The following TALDO1 variants were observed in gnomAD, a reference collection of about 807,000 sequenced individuals.
TALDO1 encodes the protein transaldolase.
Under a neutral mutation model 38.1 loss-of-function variants are expected in TALDO1, and 29 were observed. The observed-to-expected ratio is 0.76, with a 90% CI of 0.57 to 1.04. The LOEUF (loss-of-function observed/expected upper bound fraction) is 1.04. Among genes scored for constraint, TALDO1 ranks in the 50% least tolerant of loss-of-function variants. The pLI, the probability that TALDO1 is intolerant of heterozygous loss-of-function variation, is 0.00. For synonymous variants in TALDO1, 207 were observed against 176.8 expected (o/e 1.17, Z -1.36); for missense variants, 499 against 438.1 (o/e 1.14, Z -1.24).
intron 4 of TALDO1, chr11:760,576 T>G (rs567848342): frequency 2.9e-6 from 1 of 345,260 alleles, no homozygotes; most frequent in East Asian, 6.6e-5. Context: ...CACAAGCCTA[T>G]GTTTACATGA....
At position 764,423 on chromosome 11, in the gene TALDO1, G is replaced by A. The variant is rs186015859; in HGVS notation, c.971G>A (p.Arg324Gln). The part of the protein sequence containing the change: ...KFAADAVKLE[R>Q]MLTERMFNAE... ...GCCGCTGATGCAGTGAAGCTGGAGC[G>A]GATGCTGACAGTGAGTGTTGTGTGT... The change falls in exon 7 of 8, where the codon CGG (arginine) becomes CAG (glutamine). Residue 324 changes from arginine (R) to glutamine (Q), a missense_variant. Physicochemically the swap from Arg to Gln is conservative, Grantham distance 43. Coordinates refer to ENST00000319006, the MANE Select transcript of TALDO1 (RefSeq NM_006755.2). 194 of 1,610,646 alleles carry A rather than the reference G, an allele frequency of 1.2e-4. No individual in the cohort carries two copies. The highest frequency in any genetic ancestry group is 2.7e-4 in the Admixed American group (16 of 59,542).
chr11:755,628 C>A (rs1332850956), intron 1 of TALDO1: 1 of 530,688 alleles, frequency 1.9e-6, no homozygotes, highest in African/African-American at 1.9e-5. Context: ...CATGCTGTTA[C>A]AGGTCACCTC....
Position 755,913 on chromosome 11 carries a change from C to T in TALDO1, c.132C>T (p.Thr44=). The change falls in exon 2 of 8, where the codon ACC becomes ACT. Residue 44 remains threonine, a synonymous_variant. Coordinates refer to ENST00000319006, the MANE Select transcript of TALDO1 (RefSeq NM_006755.2). The part of the protein sequence containing the change: ...IDEYKPQDAT[T]NPSLILAAAQ... ...AGTACAAGCCCCAGGATGCTACCAC[C>T]AACCCGTCCCTGATCCTGGCCGCAG... is the stretch of plus-strand genomic sequence containing the variant. The T allele has an allele frequency of 6.2e-7, 1 of 1,614,186 alleles. No homozygotes were observed. Among genetic ancestry groups the T allele is most frequent in the Non-Finnish European group, 8.5e-7 (1 of 1,180,034 alleles).
At chr11:752,974 C>T (rs1304490397) in intron 1 of TALDO1, among the ~76,000 whole-genome samples, 1 of 152,130 alleles carries the variant, frequency 6.6e-6, no homozygotes, top group East Asian at 1.9e-4. Context: ...TTGGAGGATG[C>T]CCAGCTGGTA....
chr11:756,567 G>A (rs1314529857), intron 2 of TALDO1, among the ~76,000 whole-genome samples: 1 of 146,406 alleles, frequency 6.8e-6, no homozygotes, highest in African/African-American at 2.5e-5. Flanking sequence ...CCAGGCTGGA[G>A]TGCACTGGCA....
At position 764,833 on chromosome 11, in the gene TALDO1, G is replaced by A. The variant is rs1863022123; in HGVS notation, c.1002G>A (p.Glu334=). ...TCTAGGAACGAATGTTCAATGCAGA[G>A]AATGGAAAGTAGCGCATCCCTGAGG... ...RMLTERMFNA[E]NGK The change falls in exon 8 of 8, where the codon GAG becomes GAA. Residue 334 remains glutamate, a synonymous_variant. Coordinates refer to ENST00000319006, the MANE Select transcript of TALDO1 (RefSeq NM_006755.2). 6.2e-7 allele frequency: 1 copy of A among 1,614,194 alleles called. No individual in the cohort carries two copies. Among genetic ancestry groups the A allele is most frequent in the Non-Finnish European group, 8.5e-7 (1 of 1,180,052 alleles).
intron 1 of TALDO1, among the ~76,000 whole-genome samples, chr11:755,230 C>T (rs937441233): frequency 2.0e-5 from 3 of 149,038 alleles, no homozygotes; most frequent in African/African-American, 5.0e-5. Flanking sequence ...CTGCAAGCTC[C>T]GCCTACTGGA....
chr11:764,186 T>C (rs1863008808), intron 6 of TALDO1, 102 bp from the exon 7 acceptor site: 2 of 1,596,696 alleles, frequency 1.3e-6, no homozygotes, highest in Admixed American at 1.7e-5. Flanking sequence ...GGCCTGGCCC[T>C]GGTGGGAGAT....
intron 1 of TALDO1, among the ~76,000 whole-genome samples, chr11:750,073 C>T (rs1205409988): frequency 6.6e-6 from 1 of 152,078 alleles, no homozygotes; most frequent in Non-Finnish European, 1.5e-5. Flanking sequence ...GCTCAGGGCT[C>T]CCCAGTTTCC....
intron 4 of TALDO1, among the ~76,000 whole-genome samples, chr11:761,545 G>C (rs374625388): frequency 2.4e-4 from 36 of 152,244 alleles, no homozygotes; most frequent in African/African-American, 8.7e-4. Flanking sequence ...GGAAGAGACA[G>C]AAAATGTATA....
rs757158604 is a variant in TALDO1, at chr11:763,389, C to T, written c.507C>T (p.Leu169=). ...QHGIHCNMTL[L]FSFAQAVACA... ...GCATCCACTGCAACATGACGTTACTCTTCTCCTTCGCCCAGGCTGTGGCCT... is the reference window on the plus strand; with the variant it reads ...GCATCCACTGCAACATGACGTTACTTTTCTCCTTCGCCCAGGCTGTGGCCT... The change falls in exon 5 of 8, where the codon CTC becomes CTT. Residue 169 remains leucine (L), a synonymous_variant. Coordinates refer to ENST00000319006, the MANE Select transcript of TALDO1 (RefSeq NM_006755.2). 10 of 1,612,954 alleles carry T rather than the reference C, an allele frequency of 6.2e-6. 1 individual carries two copies. In the South Asian group the frequency reaches 1.1e-4, roughly 18 times the overall value.
chr11:747,830 G>A lies in TALDO1; in HGVS notation c.97+252G>A, dbSNP rs890506979. Among the ~76,000 whole-genome samples the A allele has an allele frequency of 2.4e-4, 36 of 152,310 alleles. No homozygotes were observed. The East Asian group carries it at 7.0e-3, about 29-fold the overall frequency. On this transcript the variant is annotated intron_variant, in intron 1 of 7. Transcript: ENST00000319006. ...GGGGAACGGGGCCCGGGTCGGCCGT[G>A]AGGGAGCAGGGCCGGGGGCAGCCGT...
chr11:750,765 C>G (rs773390145), intron 1 of TALDO1, among the ~76,000 whole-genome samples: 1 of 151,774 alleles, frequency 6.6e-6, no homozygotes, highest in Non-Finnish European at 1.5e-5. Flanking sequence ...GCGGAGCTTG[C>G]AATGAGCCGA....
At position 747,592 on chromosome 11, in the gene TALDO1, G is replaced by A; in HGVS notation, c.97+14G>A. 13 of 1,556,900 alleles carry A rather than the reference G, an allele frequency of 8.3e-6. No homozygotes were observed. Among genetic ancestry groups the A allele is most frequent in the Admixed American group, 1.9e-5 (1 of 52,966 alleles). Reference sequence around the variant, plus strand: ...GCGACTTCCACGGTGAGGACGGCGCGGAGCCCGGGCGCGGCGCAAGCGCCC... The same window carrying A: ...GCGACTTCCACGGTGAGGACGGCGCAGAGCCCGGGCGCGGCGCAAGCGCCC... On this transcript the variant is annotated intron_variant, in intron 1 of 7. Transcript: ENST00000319006.
At chr11:763,632 G>A in intron 5 of TALDO1, 113 bp downstream of exon 5, 1 of 1,570,652 alleles carries the variant, frequency 6.4e-7, no homozygotes, top group Middle Eastern at 1.7e-4. Flanking sequence ...GCACAGGTCG[G>A]CGCGGGGCAG....
intron 1 of TALDO1, among the ~76,000 whole-genome samples, chr11:748,058 G>C (rs932141386): frequency 1.3e-5 from 2 of 152,268 alleles, no homozygotes; most frequent in Admixed American, 6.5e-5. Flanking sequence ...ACCTTCATGG[G>C]TCGAGGCAGC....
chr11:756,770 G>C (rs1294324056), intron 2 of TALDO1, among the ~76,000 whole-genome samples: 1 of 152,018 alleles, frequency 6.6e-6, no homozygotes, highest in Non-Finnish European at 1.5e-5. Context: ...CACCTGCCTT[G>C]GCCTCCCACA....
In TALDO1 at chr11:747,517, GTC is replaced by G; in HGVS notation, c.37_38del (p.Ser13ArgfsTer68). The G allele has an allele frequency of 6.2e-7, 1 of 1,600,556 alleles. No homozygotes were observed. Among genetic ancestry groups the G allele is most frequent in the Non-Finnish European group, 8.5e-7 (1 of 1,175,136 alleles). Reference protein sequence around the residue: ...SSPVKRQRMESALDQLKQFTT... With the variant: ...SSPVKRQRMEXALDQLKQFTT... ...CACCCGTGAAGCGTCAGAGGATGGA[GTC>G]CGCGCTGGACCAGCTCAAGCAGTTC... On this transcript the variant is annotated frameshift_variant, in exon 1 of 8. Transcript: ENST00000319006. LOFTEE classifies it high-confidence loss of function.
intron 5 of TALDO1, 73 bp from the exon 6 acceptor site, chr11:763,674 G>T: frequency 6.3e-7 from 1 of 1,580,840 alleles, no homozygotes. Flanking sequence ...AGTGCAGCCG[G>T]CAGGCACTGG....
Sources: gnomAD v4.1 joint callset for allele counts (sites outside exome capture counted in the v4.1 genomes callset) on GRCh38, gnomAD v4.1.1 for gene constraint, MANE v1.5 for transcripts, NCBI Gene and HGNC (gene_info 2026-07-23, HGNC 2026-07-21) for gene names.